Variants in KIAA1549 observed in about 807,000 individuals in gnomAD.
KIAA1549 encodes the protein KIAA1549.
In KIAA1549, 70 loss-of-function variants were observed where a neutral mutation model predicts 156.4. The ratio of observed to expected loss-of-function variants is 0.45; its 90% CI spans 0.37 to 0.55. The LOEUF is 0.55. KIAA1549 is among the 20% of genes least tolerant of loss of function. The probability of loss-of-function intolerance (pLI) is 0.00; values close to 1 mark genes in which losing one functional copy is unlikely to be tolerated. For missense variants in KIAA1549, 2,428 were observed against 2,540.9 expected, an observed-to-expected ratio of 0.96 and a Z score of 0.96; for synonymous variants, 1,103 against 1,066.4, an observed-to-expected ratio of 1.03 and a Z score of -0.67.
chr7:138,927,889 G>A (rs1044209534), intron 1 of KIAA1549, among the ~76,000 whole-genome samples: 4 of 151,888 alleles, frequency 2.6e-5, no homozygotes, highest in Non-Finnish European at 4.4e-5. Context: ...CAATATCTGC[G>A]GGCCACTCAT....
intron 1 of KIAA1549, among the ~76,000 whole-genome samples, chr7:138,933,219 G>A (rs1305825358): frequency 6.6e-6 from 1 of 152,218 alleles, no homozygotes; most frequent in African/African-American, 2.4e-5. Context: ...GGAGGGTCTG[G>A]GGAAGTCACT....
chr7:138,870,149 C>G (rs1189621845), intron 13 of KIAA1549, among the ~76,000 whole-genome samples: 1 of 152,134 alleles, frequency 6.6e-6, no homozygotes, highest in Non-Finnish European at 1.5e-5. Context: ...CCATGCCCAG[C>G]CAGCAAAGCC....
intron 1 of KIAA1549, among the ~76,000 whole-genome samples, chr7:138,956,739 G>A (rs1038624544): frequency 2.6e-5 from 4 of 152,140 alleles, no homozygotes; most frequent in East Asian, 1.9e-4. Context: ...TATCAGCACT[G>A]TGAAAACGGA....
intron 1 of KIAA1549, among the ~76,000 whole-genome samples, chr7:138,950,407 C>G (rs774236809): frequency 6.8e-6 from 1 of 147,788 alleles, no homozygotes; most frequent in African/African-American, 2.6e-5. Flanking sequence ...TCCCTTCCAG[C>G]CTTCCTTGTC....
At chr7:138,854,288 G>C (rs181751937) in intron 16 of KIAA1549, among the ~76,000 whole-genome samples, 1 of 152,146 alleles carries the variant, frequency 6.6e-6, no homozygotes, top group Non-Finnish European at 1.5e-5. Context: ...GGATAGGCCC[G>C]AGGTAAAGCA....
intron 1 of KIAA1549, among the ~76,000 whole-genome samples, chr7:138,927,309 T>C (rs1812746709): frequency 1.3e-5 from 2 of 152,220 alleles, no homozygotes; most frequent in African/African-American, 4.8e-5. Flanking sequence ...AAAGTGTGTG[T>C]TATGTACATG....
intron 15 of KIAA1549, among the ~76,000 whole-genome samples, chr7:138,865,548 A>G (rs1810713399): frequency 6.6e-6 from 1 of 152,150 alleles, no homozygotes; most frequent in Non-Finnish European, 1.5e-5. Context: ...ATTATCTTTT[A>G]AAGTGTTTCA....
intron 1 of KIAA1549, among the ~76,000 whole-genome samples, chr7:138,971,182 C>A (rs952171091): frequency 1.3e-5 from 2 of 152,184 alleles, no homozygotes; most frequent in African/African-American, 4.8e-5. Flanking sequence ...TTCAACTGGG[C>A]CCTTGCCACT....
At chr7:138,938,019 A>G (rs1272358567) in intron 1 of KIAA1549, among the ~76,000 whole-genome samples, 1 of 152,124 alleles carries the variant, frequency 6.6e-6, no homozygotes, top group Non-Finnish European at 1.5e-5. Context: ...CCTAAAATTC[A>G]TATGTTGAAA....
rs1047910156 is a variant in KIAA1549, at chr7:138,901,655, AT to A, written c.3669+1932del. 3.9e-4 allele frequency among the ~76,000 whole-genome samples: 59 copies of A among 151,720 alleles called. No homozygotes were observed. The East Asian group carries it at 7.4e-3, about 19-fold the overall frequency. ...GAGCATTTTTCTATACCACTCACTAATTTTTTTTTAAATGACTGCATAAAAT... is the reference window on the plus strand; with the variant it reads ...GAGCATTTTTCTATACCACTCACTAATTTTTTTTAAATGACTGCATAAAAT... On this transcript the variant is annotated intron_variant, in intron 8 of 19. Coordinates refer to ENST00000422774, the MANE Select transcript of KIAA1549 (RefSeq NM_001164665.2).
intron 18 of KIAA1549, among the ~76,000 whole-genome samples, chr7:138,843,197 A>G (rs1809972970): frequency 6.6e-6 from 1 of 152,236 alleles, no homozygotes; most frequent in African/African-American, 2.4e-5. Context: ...AAGTACGAAT[A>G]TTCCCAGTAC....
intron 13 of KIAA1549, 125 bp downstream of exon 13, chr7:138,871,032 G>T: frequency 1.2e-6 from 1 of 816,606 alleles, no homozygotes. Flanking sequence ...GGCCAGGCTG[G>T]TCTCAAACTC....
intron 10 of KIAA1549, among the ~76,000 whole-genome samples, chr7:138,884,861 T>C (rs1811345725): frequency 6.6e-6 from 1 of 152,224 alleles, no homozygotes; most frequent in African/African-American, 2.4e-5. Flanking sequence ...CTTCTATGTA[T>C]TGGGTTATTT....
intron 1 of KIAA1549, among the ~76,000 whole-genome samples, chr7:138,933,006 T>C (rs756230045): frequency 2.0e-5 from 3 of 151,628 alleles, no homozygotes; most frequent in Non-Finnish European, 4.4e-5. Context: ...AGAAAATCGG[T>C]CGGTACTGGG....
At chr7:138,838,208 G>A (rs752209541) in intron 19 of KIAA1549, 48 bp from the exon 20 acceptor site, 11 of 1,440,114 alleles carry the variant, frequency 7.6e-6, no homozygotes, top group South Asian at 4.4e-5. Context: ...AGAATAAGCC[G>A]AAACATCAAA....
intron 1 of KIAA1549, among the ~76,000 whole-genome samples, chr7:138,925,930 A>G (rs1433679296): frequency 6.7e-6 from 1 of 149,934 alleles, no homozygotes; most frequent in Non-Finnish European, 1.5e-5. Flanking sequence ...ACTTATGGGC[A>G]GGCACACGTT....
chr7:138,886,405 G>C (rs2130419357), intron 10 of KIAA1549, among the ~76,000 whole-genome samples: 1 of 152,172 alleles, frequency 6.6e-6, no homozygotes. Context: ...CTCCCAAGGA[G>C]CTGGGACCAC....
chr7:138,867,727 G>A (rs1224713371), intron 15 of KIAA1549, among the ~76,000 whole-genome samples: 2 of 152,160 alleles, frequency 1.3e-5, no homozygotes, highest in East Asian at 3.9e-4. Context: ...GAAAAACACG[G>A]AGTGTGTTTC....
At chr7:138,968,644 G>A (rs531459287) in intron 1 of KIAA1549, among the ~76,000 whole-genome samples, 4 of 151,298 alleles carry the variant, frequency 2.6e-5, no homozygotes, top group Non-Finnish European at 4.4e-5. Flanking sequence ...TCAGGAGATC[G>A]AGACCATCCT....
Sources: gnomAD v4.1 joint callset for allele counts (sites outside exome capture counted in the v4.1 genomes callset) on GRCh38, gnomAD v4.1.1 for gene constraint, MANE v1.5 for transcripts, NCBI Gene and HGNC (gene_info 2026-07-23, HGNC 2026-07-21) for gene names.